The following AUTS2 variants were observed in gnomAD, a reference collection of about 807,000 sequenced individuals.
AUTS2 encodes the protein activator of transcription and developmental regulator AUTS2.
AUTS2 carries 17 observed loss-of-function variants against 112.4 expected under a neutral mutation model. That is an observed-to-expected ratio of 0.15 (90% CI 0.10 to 0.23). AUTS2 has a LOEUF of 0.23. Ranked by LOEUF, AUTS2 falls within the 10% of genes least tolerant of loss-of-function variation. The pLI is 1.00. For missense variants in AUTS2, 1,510 were observed against 1,701.6 expected (o/e 0.89, Z 1.98); for synonymous variants, 751 against 702.7 (o/e 1.07, Z -1.09).
intron 1 of AUTS2, among the ~76,000 whole-genome samples, chr7:69,888,667 T>C (rs10229336): frequency 0.083 from 12,576 of 151,000 alleles, 677 homozygotes; most frequent in African/African-American, 0.14. Context: ...CTGCAACTTC[T>C]ACCTCCTGGG....
chr7:70,444,373 T>TGTGTGTGA (rs372696006), intron 5 of AUTS2, among the ~76,000 whole-genome samples: 196 of 142,506 alleles, frequency 1.4e-3, no homozygotes, highest in Non-Finnish European at 2.2e-3. Context: ...TGTGTGTGTG[T>TGTGTGTGA]GAGAGAGAGA....
At chr7:70,739,418 G>A (rs1247639425) in intron 6 of AUTS2, among the ~76,000 whole-genome samples, 1 of 148,062 alleles carries the variant, frequency 6.8e-6, no homozygotes, top group African/African-American at 2.5e-5. Context: ...GGCCTCAAGC[G>A]ATCTTCCCAC....
rs535639383 is a variant in AUTS2, at chr7:69,756,677, C to T, written c.310-142609C>T. The stretch of plus-strand genomic sequence containing the variant: ...TACCAATAAAAATTGAACTTTTTGC[C>T]TGAATGCAGGGATGACTTGCTAGTA... On this transcript the variant is annotated intron_variant, in intron 1 of 18. Transcript: ENST00000342771. Among the ~76,000 whole-genome samples, 10 of 151,672 alleles carry T rather than the reference C, an allele frequency of 6.6e-5. No homozygotes were observed. In the South Asian group the frequency reaches 2.1e-3, roughly 32 times the overall value.
chr7:70,056,029 C>T (rs986841254), intron 2 of AUTS2, among the ~76,000 whole-genome samples: 1 of 151,862 alleles, frequency 6.6e-6, no homozygotes, highest in East Asian at 1.9e-4. Context: ...GCTCTGTCGC[C>T]CAGGCTGGAG....
intron 2 of AUTS2, among the ~76,000 whole-genome samples, chr7:70,064,353 C>T (rs529815774): frequency 6.6e-6 from 1 of 152,272 alleles, no homozygotes; most frequent in South Asian, 2.1e-4. Context: ...CCAGCTCACC[C>T]CAGCTTTTAT....
At chr7:69,954,262 A>G (rs1348508985) in intron 2 of AUTS2, among the ~76,000 whole-genome samples, 1 of 152,136 alleles carries the variant, frequency 6.6e-6, no homozygotes, top group Non-Finnish European at 1.5e-5. Context: ...ACAATATTAT[A>G]TACTCAAACC....
chr7:69,894,317 C>T (rs1794657006), intron 1 of AUTS2, among the ~76,000 whole-genome samples: 1 of 109,008 alleles, frequency 9.2e-6, no homozygotes, highest in African/African-American at 3.6e-5. Context: ...TCCTGCCTTT[C>T]TCTCCTAGTG....
chr7:70,023,262 T>C (rs919222370), intron 2 of AUTS2, among the ~76,000 whole-genome samples: 1 of 152,236 alleles, frequency 6.6e-6, no homozygotes, highest in Non-Finnish European at 1.5e-5. Flanking sequence ...AAATTTGAGT[T>C]GAGTGAGATC....
At chr7:70,053,127 A>C (rs1172602778) in intron 2 of AUTS2, among the ~76,000 whole-genome samples, 2 of 152,232 alleles carry the variant, frequency 1.3e-5, no homozygotes, top group Non-Finnish European at 2.9e-5. Context: ...CATAATATAA[A>C]ATAAGAGAAA....
intron 1 of AUTS2, among the ~76,000 whole-genome samples, chr7:69,722,605 G>T (rs1313597466): frequency 6.6e-6 from 1 of 152,168 alleles, no homozygotes; most frequent in African/African-American, 2.4e-5. Flanking sequence ...CAAAGTGCTG[G>T]GATTACAGGT....
intron 2 of AUTS2, among the ~76,000 whole-genome samples, chr7:70,003,385 A>C (rs1179906093): frequency 7.9e-6 from 1 of 126,736 alleles, no homozygotes; most frequent in Non-Finnish European, 1.5e-5. Context: ...GTGAATATAT[A>C]TAACATATGA....
At chr7:69,876,449 T>A (rs1226131532) in intron 1 of AUTS2, among the ~76,000 whole-genome samples, 2 of 122,856 alleles carry the variant, frequency 1.6e-5, no homozygotes, top group African/African-American at 6.0e-5. Context: ...GAGATATATA[T>A]AAAATACATT....
chr7:70,208,876 G>C (rs1416990614), intron 4 of AUTS2, among the ~76,000 whole-genome samples: 2 of 152,000 alleles, frequency 1.3e-5, no homozygotes, highest in Non-Finnish European at 2.9e-5. Flanking sequence ...CTGGAATTTG[G>C]TGTTCAAAGC....
At chr7:70,448,711 A>C (rs1796414979) in intron 5 of AUTS2, among the ~76,000 whole-genome samples, 1 of 152,248 alleles carries the variant, frequency 6.6e-6, no homozygotes, top group African/African-American at 2.4e-5. Context: ...GGTGCGTTTA[A>C]GTAAGTTACA....
intron 6 of AUTS2, among the ~76,000 whole-genome samples, chr7:70,709,021 G>A (rs534897743): frequency 1.3e-5 from 2 of 150,700 alleles, no homozygotes; most frequent in Non-Finnish European, 2.9e-5. Context: ...AGGTTCAAGC[G>A]ATTCTCCTGC....
intron 1 of AUTS2, among the ~76,000 whole-genome samples, chr7:69,738,832 T>A (rs1787146481): frequency 6.6e-6 from 1 of 152,084 alleles, no homozygotes. Context: ...GTGAATAGGA[T>A]TTAGCTCTGA....
chr7:69,816,759 C>T (rs1440681544), intron 1 of AUTS2, among the ~76,000 whole-genome samples: 1 of 152,182 alleles, frequency 6.6e-6, no homozygotes, highest in Non-Finnish European at 1.5e-5. Flanking sequence ...ATGAGTTAGC[C>T]AAAGTCTATC....
intron 2 of AUTS2, among the ~76,000 whole-genome samples, chr7:69,964,125 A>G (rs1797537908): frequency 6.6e-6 from 1 of 152,076 alleles, no homozygotes; most frequent in African/African-American, 2.4e-5. Context: ...CCACTATCCT[A>G]CCATATTACC....
chr7:70,689,142 A>T (rs1808615956), intron 5 of AUTS2, among the ~76,000 whole-genome samples: 1 of 151,688 alleles, frequency 6.6e-6, no homozygotes, highest in Non-Finnish European at 1.5e-5. Flanking sequence ...GGATCACTTG[A>T]GGCCACGAGT....
Sources: allele counts gnomAD v4.1 joint callset (sites outside exome capture counted in the v4.1 genomes callset), GRCh38; gene constraint gnomAD v4.1.1; transcripts MANE v1.5; gene names NCBI Gene and HGNC (gene_info 2026-07-23, HGNC 2026-07-21).